Variants in HYAL4 observed in about 807,000 individuals in gnomAD.
The protein encoded by HYAL4 is hyaluronidase-4.
Under a neutral mutation model 35.2 loss-of-function variants are expected in HYAL4, and 37 were observed. That is an observed-to-expected ratio of 1.05 (90% confidence interval 0.81 to 1.38). The LOEUF (loss-of-function observed/expected upper bound fraction) is 1.38, where lower values mean the gene tolerates loss of function less well. Among genes scored for constraint, HYAL4 ranks in the 40% most tolerant of loss-of-function variants. The pLI is 0.00. For missense variants in HYAL4, 572 were observed against 572.4 expected (o/e 1.00, Z 0.01); for synonymous variants, 198 against 203.2 (o/e 0.97, Z 0.22).
At chr7:123,857,657 C>CTTTCTTTT (rs1806473732) in intron 2 of HYAL4, among the ~76,000 whole-genome samples, 1 of 66,976 alleles carries the variant, frequency 1.5e-5, no homozygotes, top group Non-Finnish European at 3.3e-5. Flanking sequence ...TTCTTTGTTT[C>CTTTCTTTT]TTTCTTTGTT....
rs1806766435 is a variant in HYAL4, at chr7:123,868,614, A to G, written c.341A>G (p.Gln114Arg). ...QGVPINGGLP[Q>R]NISLQVHLEK... The stretch of plus-strand genomic sequence containing the variant: ...GTCCCCATTAATGGAGGTCTCCCAC[A>G]GAACATAAGTTTACAAGTACATCTG... Residue 114 changes from glutamine (Q) to arginine (R), a missense_variant, in exon 3 of 5, where the codon CAG becomes CGG. Transcript: ENST00000223026. The G allele has an allele frequency of 2.5e-6, 4 of 1,614,082 alleles. No individual in the cohort carries two copies. Among genetic ancestry groups the G allele is most frequent in the Admixed American group, 1.7e-5 (1 of 60,012 alleles).
the HYAL4 span, among the ~76,000 whole-genome samples, chr7:123,820,024 G>A: frequency 6.6e-6 from 1 of 151,182 alleles, no homozygotes; most frequent in East Asian, 2.0e-4. Context: ...CTGACTAGCT[G>A]AGACTACAGG....
chr7:123,764,647 TTTC>T, the HYAL4 span, among the ~76,000 whole-genome samples: 1 of 152,222 alleles, frequency 6.6e-6, no homozygotes, highest in African/African-American at 2.4e-5. Flanking sequence ...TTTAAGAAAC[TTTC>T]CTTGTAGCTC....
At chr7:123,875,026 A>G (rs555645087) in intron 4 of HYAL4, among the ~76,000 whole-genome samples, 176 bp downstream of exon 4, 1 of 152,376 alleles carries the variant, frequency 6.6e-6, no homozygotes, top group African/African-American at 2.4e-5. Context: ...GATAGTAATC[A>G]TAACACTGAC....
At chr7:123,786,261 A>G in the HYAL4 span, among the ~76,000 whole-genome samples, 7 of 152,214 alleles carry the variant, frequency 4.6e-5, no homozygotes, top group East Asian at 1.9e-4. Context: ...CACACTCTAC[A>G]TAAGTGCTCA....
At chr7:123,820,620 A>G in the HYAL4 span, among the ~76,000 whole-genome samples, 1 of 151,960 alleles carries the variant, frequency 6.6e-6, no homozygotes, top group African/African-American at 2.4e-5. Context: ...CCCTTTTATT[A>G]TAAGAACACT....
intron 2 of HYAL4, among the ~76,000 whole-genome samples, chr7:123,851,455 ATTG>A (rs1806304334): frequency 6.6e-6 from 1 of 151,824 alleles, no homozygotes; most frequent in African/African-American, 2.4e-5. Flanking sequence ...ATGTGTTCTC[ATTG>A]TTCGACTCCC....
intron 1 of HYAL4, among the ~76,000 whole-genome samples, chr7:123,846,432 C>G (rs1806175255): frequency 6.6e-6 from 1 of 152,000 alleles, no homozygotes; most frequent in Middle Eastern, 3.2e-3. Flanking sequence ...TGAGGGAAAG[C>G]TGGCAGTCAC....
the HYAL4 span, among the ~76,000 whole-genome samples, chr7:123,794,978 G>A: frequency 6.6e-6 from 1 of 152,230 alleles, no homozygotes; most frequent in African/African-American, 2.4e-5. Context: ...GAGTGGAGCT[G>A]TACCCTGCAA....
the HYAL4 span, among the ~76,000 whole-genome samples, chr7:123,811,798 A>G: frequency 9.9e-4 from 151 of 152,074 alleles, no homozygotes; most frequent in African/African-American, 3.6e-3. Context: ...TAGGAGTTTT[A>G]TAGTTTTATA....
chr7:123,858,732 C>T (rs566638140), intron 2 of HYAL4, among the ~76,000 whole-genome samples: 16 of 152,088 alleles, frequency 1.1e-4, no homozygotes, highest in African/African-American at 3.1e-4. Flanking sequence ...ACTCCTCTGC[C>T]CCTAAAGACA....
At chr7:123,807,387 C>G in the HYAL4 span, among the ~76,000 whole-genome samples, 1 of 150,104 alleles carries the variant, frequency 6.7e-6, no homozygotes, top group South Asian at 2.1e-4. Flanking sequence ...GTTCAAACTT[C>G]CTTTTAAAAA....
At chr7:123,833,530 G>A (rs938493726) in intron 1 of HYAL4, among the ~76,000 whole-genome samples, 1 of 152,156 alleles carries the variant, frequency 6.6e-6, no homozygotes, top group African/African-American at 2.4e-5. Context: ...TCTGTGGGTT[G>A]TCTGTTTACT....
At chr7:123,836,864 A>G (rs544015271) in intron 1 of HYAL4, among the ~76,000 whole-genome samples, 1 of 152,086 alleles carries the variant, frequency 6.6e-6, no homozygotes, top group Admixed American at 6.5e-5. Flanking sequence ...CCCTGTCTCT[A>G]CTAATAAGCA....
chr7:123,850,222 G>C (rs890029420), intron 2 of HYAL4, among the ~76,000 whole-genome samples: 1 of 152,140 alleles, frequency 6.6e-6, no homozygotes, highest in African/African-American at 2.4e-5. Flanking sequence ...AAGAGCTCTT[G>C]TTGAAATATG....
the HYAL4 span, among the ~76,000 whole-genome samples, chr7:123,783,238 C>T: frequency 2.0e-5 from 3 of 152,158 alleles, no homozygotes; most frequent in East Asian, 5.8e-4. Flanking sequence ...ATGAATCAGA[C>T]ATGATCCTTT....
At chr7:123,869,515 T>C (rs1806806704) in intron 3 of HYAL4, among the ~76,000 whole-genome samples, 1 of 152,184 alleles carries the variant, frequency 6.6e-6, no homozygotes, top group African/African-American at 2.4e-5. Flanking sequence ...TGTACTCACT[T>C]ACAATCGGGC....
chr7:123,842,362 C>G (rs896176670), upstream of HYAL4, among the ~76,000 whole-genome samples: 4 of 151,950 alleles, frequency 2.6e-5, no homozygotes, highest in Non-Finnish European at 4.4e-5. Context: ...GTCTGAGAGA[C>G]AGTTTGTTGT....
chr7:123,855,823 T>C (rs1026026006), intron 2 of HYAL4, among the ~76,000 whole-genome samples: 2 of 152,154 alleles, frequency 1.3e-5, no homozygotes, highest in Non-Finnish European at 2.9e-5. Context: ...TCCCCATCAC[T>C]TTCAGGTAAA....
Sources: gnomAD v4.1 joint callset for allele counts (sites outside exome capture counted in the v4.1 genomes callset) on GRCh38, gnomAD v4.1.1 for gene constraint, MANE v1.5 for transcripts, NCBI Gene and HGNC (gene_info 2026-07-23, HGNC 2026-07-21) for gene names.